The following DPP6 variants were observed in gnomAD, a reference collection of about 807,000 sequenced individuals.
DPP6 encodes dipeptidyl peptidase like 6, also known as A-type potassium channel modulatory protein DPP6.
A neutral mutation model predicts 122.6 loss-of-function variants in DPP6; 69 were observed. The ratio of observed to expected loss-of-function variants is 0.56; its 90% CI spans 0.46 to 0.69. DPP6 has a LOEUF of 0.69. DPP6 is among the 30% of genes least tolerant of loss of function. DPP6 has a pLI of 0.00. For missense variants in DPP6, 928 were observed against 1,116.9 expected, an observed-to-expected ratio of 0.83 and a Z score of 2.41; for synonymous variants, 418 against 433.1, an observed-to-expected ratio of 0.97 and a Z score of 0.43.
the DPP6 span, among the ~76,000 whole-genome samples, chr7:153,777,316 T>C: frequency 6.6e-6 from 1 of 151,672 alleles, no homozygotes; most frequent in Non-Finnish European, 1.5e-5. Context: ...TCATCTCCCA[T>C]GGGAAAGTGA....
chr7:154,886,411 T>C (rs1806157616), intron 22 of DPP6, among the ~76,000 whole-genome samples: 1 of 152,200 alleles, frequency 6.6e-6, no homozygotes, highest in African/African-American at 2.4e-5. Flanking sequence ...GAACCAGACC[T>C]CTGTCCAGGC....
At chr7:154,009,163 T>A (rs1287461613) in intron 1 of DPP6, among the ~76,000 whole-genome samples, 2 of 69,134 alleles carry the variant, frequency 2.9e-5, no homozygotes, top group East Asian at 6.6e-4. Context: ...GTTGTGTTTC[T>A]TCTCACTTTA....
chr7:154,615,027 A>G (rs186921047), intron 5 of DPP6, among the ~76,000 whole-genome samples: 43 of 152,288 alleles, frequency 2.8e-4, no homozygotes, highest in Admixed American at 7.8e-4. Context: ...GGAGGCCCCT[A>G]TTTGACAAGA....
At chr7:154,446,391 G>A (rs1819876775) in intron 2 of DPP6, 63 bp downstream of exon 2, 1 of 1,333,860 alleles carries the variant, frequency 7.5e-7, no homozygotes. Context: ...ATTTTACCTT[G>A]CAATTTTTTT....
intron 1 of DPP6, among the ~76,000 whole-genome samples, chr7:154,021,632 G>C (rs1798704688): frequency 6.6e-6 from 1 of 152,150 alleles, no homozygotes; most frequent in Non-Finnish European, 1.5e-5. Context: ...TGCAGTGAAG[G>C]ACCACCATTT....
chr7:154,744,508 A>G (rs1367964587), intron 8 of DPP6, among the ~76,000 whole-genome samples: 1 of 152,316 alleles, frequency 6.6e-6, no homozygotes, highest in South Asian at 2.1e-4. Context: ...TCTGATGATA[A>G]TGAGGGGATT....
intron 3 of DPP6, among the ~76,000 whole-genome samples, chr7:154,484,517 C>A (rs1159009521): frequency 6.6e-6 from 1 of 152,212 alleles, no homozygotes; most frequent in Non-Finnish European, 1.5e-5. Context: ...TGCAGGCAGG[C>A]CTGGAGCTGA....
intron 1 of DPP6, among the ~76,000 whole-genome samples, chr7:154,267,370 T>TATATC (rs1803488095): frequency 1.4e-5 from 2 of 147,792 alleles, no homozygotes; most frequent in South Asian, 4.2e-4. Context: ...TGTAACAAAT[T>TATATC]ATATATATAT....
At chr7:154,118,678 G>A (rs192401851) in intron 1 of DPP6, among the ~76,000 whole-genome samples, 863 of 72,862 alleles carry the variant, frequency 0.012, 19 homozygotes, top group African/African-American at 0.036. Flanking sequence ...CAAACCAAAC[G>A]TGTACATCAC....
At chr7:153,823,408 A>G in the DPP6 span, among the ~76,000 whole-genome samples, 4 of 144,900 alleles carry the variant, frequency 2.8e-5, no homozygotes, top group South Asian at 2.3e-4. Context: ...AGTTCAGCCA[A>G]TGGAAGTCAG....
At chr7:153,875,075 A>C in the DPP6 span, among the ~76,000 whole-genome samples, 1 of 152,212 alleles carries the variant, frequency 6.6e-6, no homozygotes, top group African/African-American at 2.4e-5. Context: ...TATCATAATA[A>C]AATTTCTGAA....
intron 1 of DPP6, among the ~76,000 whole-genome samples, chr7:154,134,960 A>ACTTCCTGTGAGCACACC (rs1563234042): frequency 1.3e-5 from 2 of 151,718 alleles, no homozygotes; most frequent in East Asian, 3.9e-4. Context: ...GTGAGTGTAC[A>ACTTCCTGTGAGCACACC]CTTCCTGTGA....
At chr7:154,482,702 G>C (rs1011597465) in intron 3 of DPP6, among the ~76,000 whole-genome samples, 5 of 152,112 alleles carry the variant, frequency 3.3e-5, no homozygotes, top group African/African-American at 1.2e-4. Context: ...AGTATTTCAC[G>C]ATATTAATGT....
chr7:154,766,463 C>T (rs1795905854), intron 8 of DPP6, among the ~76,000 whole-genome samples: 1 of 152,060 alleles, frequency 6.6e-6, no homozygotes, highest in African/African-American at 2.4e-5. Context: ...TACAGGTGTG[C>T]GCCCAGCTAA....
chr7:154,370,896 C>T (rs558225354), intron 1 of DPP6, among the ~76,000 whole-genome samples: 1 of 152,292 alleles, frequency 6.6e-6, no homozygotes, highest in East Asian at 1.9e-4. Flanking sequence ...AGCTAGTTTC[C>T]TAGCCTGACA....
intron 1 of DPP6, among the ~76,000 whole-genome samples, chr7:154,135,055 T>A (rs1795476812): frequency 6.6e-6 from 1 of 151,312 alleles, no homozygotes; most frequent in Admixed American, 6.6e-5. Flanking sequence ...TTCCAGTGAG[T>A]GTATACTTCC....
intron 8 of DPP6, among the ~76,000 whole-genome samples, chr7:154,743,108 G>C (rs529832056): frequency 1.3e-4 from 20 of 152,348 alleles, no homozygotes; most frequent in African/African-American, 3.8e-4. Context: ...TGAAGCTGAA[G>C]TCTTCCATCA....
rs186982286 is a variant in DPP6, at chr7:154,743,020, T to A, written c.883+15133T>A. Among the ~76,000 whole-genome samples, 163 of 152,302 alleles carry A rather than the reference T, an allele frequency of 1.1e-3. No homozygotes were observed. The Middle Eastern group carries it at 0.02, about 19-fold the overall frequency. On this transcript the variant is annotated intron_variant, in intron 8 of 25. Transcript: ENST00000377770. ...TACCATCCTTTGATGGTCATACACA[T>A]TAAAAGAAGATAAAGCCAGAAATAA...
chr7:154,240,432 T>C (rs10230936), intron 1 of DPP6, among the ~76,000 whole-genome samples: 7,223 of 152,254 alleles, frequency 0.047, 566 homozygotes, highest in African/African-American at 0.16. Flanking sequence ...TGTCTTTCTA[T>C]GAGCTTTTCC....
Sources: allele counts gnomAD v4.1 joint callset (sites outside exome capture counted in the v4.1 genomes callset), GRCh38; gene constraint gnomAD v4.1.1; transcripts MANE v1.5; gene names NCBI Gene and HGNC (gene_info 2026-07-23, HGNC 2026-07-21).